The following ARFRP1 variants were observed in gnomAD, a reference collection of about 807,000 sequenced individuals.
The protein encoded by ARFRP1 is ARF related protein 1.
Under a neutral mutation model 30.3 loss-of-function variants are expected in ARFRP1, and 19 were observed. That is an observed-to-expected ratio of 0.63 (90% CI 0.44 to 0.92). The LOEUF (loss-of-function observed/expected upper bound fraction) is 0.92. ARFRP1 is among the 40% of genes least tolerant of loss of function. ARFRP1 has a pLI of 0.00. For synonymous variants in ARFRP1, 133 were observed against 114.2 expected, an observed-to-expected ratio of 1.16 and a Z score of -1.05; for missense variants, 245 against 267.5, an observed-to-expected ratio of 0.92 and a Z score of 0.59.
chr20:63,700,390 G>A lies in ARFRP1; in HGVS notation c.*53C>T. On this transcript the variant is annotated 3_prime_UTR_variant, in exon 8 of 8. Transcript: ENST00000622789. The stretch of plus-strand genomic sequence containing the variant: ...TCAGCAGCATGGGAGCCAACAGGAG[G>A]CCACTCCTCCAGCACCAGGGGACCA... The A allele has an allele frequency of 6.3e-7, 1 of 1,598,826 alleles. No individual in the cohort carries two copies. The highest frequency in any genetic ancestry group is 8.5e-7 in the Non-Finnish European group (1 of 1,178,240).
At chr20:63,706,487 A>C in intron 3 of ARFRP1, 48 bp from the exon 4 acceptor site, 1 of 1,586,466 alleles carries the variant, frequency 6.3e-7, no homozygotes, top group Non-Finnish European at 8.7e-7. Flanking sequence ...GGTCCTCGAC[A>C]CACCCAGTCC....
chr20:63,701,997 T>TGGGGGGGGGGGG, intron 5 of ARFRP1, 97 bp from the exon 6 acceptor site: 2 of 684,614 alleles, frequency 2.9e-6, no homozygotes, highest in East Asian at 3.2e-5. Context: ...CCACTCCCTC[T>TGGGGGGGGGGGG]GCCCCCCCCC....
intron 6 of ARFRP1, 26 bp from the exon 7 acceptor site, chr20:63,700,728 C>T: frequency 6.2e-7 from 1 of 1,605,988 alleles, no homozygotes; most frequent in Non-Finnish European, 8.5e-7. Flanking sequence ...CCGTGAGGAG[C>T]AGCCCCCACG....
rs766683031 is a variant in ARFRP1, at chr20:63,701,912, A to G, written c.347-12T>C. 5.6e-5 allele frequency: 87 copies of G among 1,546,568 alleles called. No individual in the cohort carries two copies. Among genetic ancestry groups the G allele is most frequent in the Non-Finnish European group, 7.5e-5 (86 of 1,146,140 alleles). On this transcript the variant is annotated splice_polypyrimidine_tract_variant and intron_variant, in intron 5 of 7. Coordinates refer to ENST00000622789, the MANE Select transcript of ARFRP1 (RefSeq NM_001267547.3). ...GGTCACCACCTTCTCTGGGGAGGGC[A>G]GGAGAGGCAGCGCCTCACACCCAGC...
At chr20:63,705,720 C>G (rs747347549) in intron 4 of ARFRP1, 6 of 533,128 alleles carry the variant, frequency 1.1e-5, no homozygotes, top group African/African-American at 7.7e-5. Flanking sequence ...AGCAAGGTCT[C>G]TGAGCCGAAA....
Position 63,698,809 on chromosome 20 carries a change from C to A in ARFRP1, c.*1634G>T, listed in dbSNP as rs546644525. ...CGGGGCTTCCCCTACCTCAGACAGA[C>A]CCTCCCTGGGAGGATCAGTGGGGAG... On this transcript the variant is annotated 3_prime_UTR_variant, in exon 8 of 8. Transcript: ENST00000622789. 4 of 427,288 alleles carry A rather than the reference C, an allele frequency of 9.4e-6. No individual in the cohort carries two copies. In the South Asian group the frequency reaches 1.3e-4, roughly 14 times the overall value. 26.5% of individuals were successfully genotyped at this position (427,288 alleles called of 1,614,324 possible).
Position 63,702,174 on chromosome 20 carries a change from G to A in ARFRP1, c.308C>T (p.Thr103Ile). ...GGACTCAGCCAGCCTCTCCTCGTCG[G>A]TGGAGTCAATGACGTAGATGACGCC... ...CHGVIYVIDSTDEERLAESKQ... is the reference protein window; with the variant it reads ...CHGVIYVIDSIDEERLAESKQ... Residue 103 changes from threonine to isoleucine, a missense_variant, in exon 5 of 8, where the codon ACC becomes ATC. Physicochemically the swap from Thr to Ile is moderately conservative, Grantham distance 89. Transcript: ENST00000622789. 1.2e-6 allele frequency: 2 copies of A among 1,612,082 alleles called. No homozygotes were observed. The highest frequency in any genetic ancestry group is 1.7e-6 in the Non-Finnish European group (2 of 1,179,894).
intron 6 of ARFRP1, 150 bp from the exon 7 acceptor site, chr20:63,700,852 C>T: frequency 9.5e-7 from 1 of 1,057,914 alleles, no homozygotes; most frequent in South Asian, 1.6e-5. Context: ...GAGACCACAG[C>T]AGTGAGGACC....
chr20:63,702,009 C>CG (rs1387645983), intron 5 of ARFRP1, 109 bp from the exon 6 acceptor site: 4 of 919,652 alleles, frequency 4.3e-6, no homozygotes, highest in South Asian at 1.6e-5. Context: ...CCCCCCCCCC[C>CG]CCCGTCACCC....
Position 63,698,890 on chromosome 20 carries a change from G to A in ARFRP1, c.*1553C>T, listed in dbSNP as rs989754450. ...GTGGCAGGGGCCCCTGAAGCTCAGC[G>A]AGGGTCAGGGCCTGGGAGGGTATCA... On this transcript the variant is annotated 3_prime_UTR_variant, in exon 8 of 8. Coordinates refer to ENST00000622789, the MANE Select transcript of ARFRP1 (RefSeq NM_001267547.3). 8.4e-6 allele frequency: 2 copies of A among 239,506 alleles called. No individual in the cohort carries two copies. Among genetic ancestry groups the A allele is most frequent in the Non-Finnish European group, 1.6e-5 (2 of 125,830 alleles). The allele number at this position is 239,506 out of a possible 1,614,324, so 14.8% of individuals were successfully genotyped here. A position where few individuals can be genotyped will look rare whatever the true frequency, so the allele number is the denominator to read the frequency against.
intron 4 of ARFRP1, 93 bp downstream of exon 4, chr20:63,706,264 A>C: frequency 8.4e-7 from 1 of 1,195,478 alleles, no homozygotes; most frequent in South Asian, 1.2e-5. Context: ...AGAGTGGGTA[A>C]GGAAAACTGC....
rs768087759 is a variant in ARFRP1 at position 63,700,166 on chromosome 20, C to G, written c.*277G>C. 2.2e-6 allele frequency: 1 copy of G among 463,860 alleles called. No individual in the cohort carries two copies. The highest frequency in any genetic ancestry group is 4.0e-6 in the Non-Finnish European group (1 of 251,108). The allele number at this position is 463,860 out of a possible 1,614,324, so 28.7% of individuals were successfully genotyped here. A position where few individuals can be genotyped will look rare whatever the true frequency, so the allele number is the denominator to read the frequency against. ...AATTCCCAACCAGGTCTCCCTCAGA[C>G]CCCCCAGAAAGGGCCTCGAAAGGCC... On this transcript the variant is annotated 3_prime_UTR_variant, in exon 8 of 8. Transcript: ENST00000622789.
chr20:63,706,051 C>T (rs1477043850), intron 4 of ARFRP1: 12 of 381,346 alleles, frequency 3.1e-5, no homozygotes, highest in Admixed American at 7.4e-5. Context: ...AACAGGTTCC[C>T]CTAATACATG....
chr20:63,707,527 G>A (rs1421360290), intron 1 of ARFRP1: 3 of 167,586 alleles, frequency 1.8e-5, no homozygotes, highest in East Asian at 3.7e-4. Context: ...GCGAGCCACC[G>A]GCGCGCTCCC....
At chr20:63,706,869 G>A (rs1223623236) in intron 2 of ARFRP1, 130 bp downstream of exon 2, 3 of 1,269,252 alleles carry the variant, frequency 2.4e-6, no homozygotes, top group East Asian at 2.3e-5. Context: ...GGAGGCTGGT[G>A]GTGACTATCC....
At chr20:63,706,220 C>T in intron 4 of ARFRP1, 137 bp downstream of exon 4, 2 of 817,382 alleles carry the variant, frequency 2.4e-6, no homozygotes, top group Admixed American at 2.1e-5. Flanking sequence ...CACTCGGGAA[C>T]CTGGGACAGG....
chr20:63,704,277 A>G (rs2091351257), intron 4 of ARFRP1: 2 of 152,362 alleles, frequency 1.3e-5, no homozygotes, highest in South Asian at 4.1e-4. Context: ...GGGTCCCTGC[A>G]GCTGATCCTC....
At chr20:63,701,234 T>C in intron 6 of ARFRP1, 1 of 531,136 alleles carries the variant, frequency 1.9e-6, no homozygotes, top group South Asian at 1.4e-5. Flanking sequence ...AGGCCAGCCT[T>C]ACAGGCTGGG....
intron 5 of ARFRP1, 45 bp from the exon 6 acceptor site, chr20:63,701,945 C>T (rs759048049): frequency 6.5e-7 from 1 of 1,537,004 alleles, no homozygotes; most frequent in African/African-American, 1.4e-5. Flanking sequence ...AGCATCCTGC[C>T]TCTGACTGCC....
Sources: gnomAD v4.1 joint callset for allele counts on GRCh38, gnomAD v4.1.1 for gene constraint, MANE v1.5 for transcripts, NCBI Gene and HGNC (gene_info 2026-07-23, HGNC 2026-07-21) for gene names.